Variants in SPC25 observed in about 807,000 individuals in gnomAD.
The protein encoded by SPC25 is kinetochore protein Spc25.
In SPC25, 22 loss-of-function variants were observed where a neutral mutation model predicts 29.6. The observed-to-expected ratio is 0.74, with a 90% CI of 0.53 to 1.06. The LOEUF is 1.06. Ranked by LOEUF, SPC25 falls within the 50% of genes least tolerant of loss-of-function variation. SPC25 has a pLI of 0.00. For synonymous variants in SPC25, 91 were observed against 90.4 expected (o/e 1.01, Z -0.04); for missense variants, 230 against 255.8 (o/e 0.90, Z 0.69).
At chr2:168,870,251 A>C (rs1345468402), downstream of SPC25, among the ~76,000 whole-genome samples, 10 of 151,530 alleles carry the variant, frequency 6.6e-5, no homozygotes, top group South Asian at 2.1e-4. Context: ...AACCATAAAA[A>C]CCCTAGAAGA....
At chr2:168,862,569 T>C (rs73969992) in intron 4 of SPC25, among the ~76,000 whole-genome samples, 2,574 of 152,304 alleles carry the variant, frequency 0.017, 70 homozygotes, top group African/African-American at 0.057. Flanking sequence ...TTCTAGAACC[T>C]AGGTCAGCTG....
In SPC25 at chr2:168,864,957, C is replaced by T. The variant is rs1301213177; in HGVS notation, n.419+8628G>A. ...TTACCTTCAAATGCTGGCAACACAGCTACAAAGGCATAAAACAAGACTCTG... is the reference window on the plus strand; with the variant it reads ...TTACCTTCAAATGCTGGCAACACAGTTACAAAGGCATAAAACAAGACTCTG... On this transcript the variant is annotated intron_variant and non_coding_transcript_variant, in intron 4 of 4. Transcript: ENST00000479309. The T allele has an allele frequency of 1.9e-6, 3 of 1,614,008 alleles. 1 individual carries two copies. The Admixed American group carries it at 5.0e-5, about 27-fold the overall frequency.
rs1689608531 is a variant in SPC25, at chr2:168,863,417, A to AAATC, written n.419+10164_419+10167dup. ...GGAAAAGAGTGAAAGGAAGACTGAAAAATCACCTCAGAATGATGCCAAATA... is the reference window on the plus strand; with the variant it reads ...GGAAAAGAGTGAAAGGAAGACTGAAAAATCAATCACCTCAGAATGATGCCAAATA... On this transcript the variant is annotated intron_variant and non_coding_transcript_variant, in intron 4 of 4. Transcript: ENST00000479309. 3 of 985,042 alleles carry AAATC rather than the reference A, an allele frequency of 3.0e-6. No homozygotes were observed. The African/African-American group carries it at 5.2e-5, about 17-fold the overall frequency. 61.0% of individuals were successfully genotyped at this position (985,042 alleles called of 1,614,324 possible).
chr2:168,866,080 T>A (rs1689842797), downstream of SPC25, among the ~76,000 whole-genome samples: 2 of 152,302 alleles, frequency 1.3e-5, no homozygotes, highest in African/African-American at 4.8e-5. Context: ...GCCATCCCCA[T>A]CAAGCTACCA....
chr2:168,877,215 T>C (rs1374356547), intron 4 of SPC25, 23 bp downstream of exon 4: 1 of 1,609,196 alleles, frequency 6.2e-7, no homozygotes, highest in East Asian at 2.2e-5. Context: ...TTTAGATCAG[T>C]ATGTTTATAA....
At chr2:168,870,742 C>A (rs1574357220), downstream of SPC25, among the ~76,000 whole-genome samples, 2 of 151,536 alleles carry the variant, frequency 1.3e-5, no homozygotes, top group East Asian at 1.9e-4. Flanking sequence ...AATAGGAACA[C>A]TTTTACACTG....
chr2:168,864,449 C>A (rs1482825727), intron 4 of SPC25, among the ~76,000 whole-genome samples: 2 of 151,934 alleles, frequency 1.3e-5, no homozygotes, highest in African/African-American at 4.8e-5. Context: ...CCACACCCAG[C>A]TAATTTTTGT....
At chr2:168,883,733 T>C (rs1395541633) in intron 3 of SPC25, among the ~76,000 whole-genome samples, 1 of 151,984 alleles carries the variant, frequency 6.6e-6, no homozygotes, top group East Asian at 1.9e-4. Context: ...TTGTGGCCAA[T>C]ACAAATATAG....
At chr2:168,869,306 A>T (rs1200304405), downstream of SPC25, among the ~76,000 whole-genome samples, 1 of 152,210 alleles carries the variant, frequency 6.6e-6, no homozygotes, top group African/African-American at 2.4e-5. Flanking sequence ...CAAGACAGGG[A>T]TGCCCTCTCC....
At chr2:168,872,962 A>G (rs560636403) in intron 6 of SPC25, among the ~76,000 whole-genome samples, 13 of 152,164 alleles carry the variant, frequency 8.5e-5, no homozygotes, top group African/African-American at 1.2e-4. Context: ...ATGAATTCCA[A>G]TAAATTAAGG....
chr2:168,862,474 T>C (rs1689525143), intron 4 of SPC25, among the ~76,000 whole-genome samples: 1 of 152,220 alleles, frequency 6.6e-6, no homozygotes, highest in African/African-American at 2.4e-5. Flanking sequence ...ATTAGAGATG[T>C]ACCCCACCTT....
At chr2:168,863,709 A>ATGCAGAGACATTG (rs1370919411) in intron 4 of SPC25, 14 of 924,430 alleles carry the variant, frequency 1.5e-5, no homozygotes, top group Non-Finnish European at 1.8e-5. Flanking sequence ...ATCAGGGATA[A>ATGCAGAGACATTG]TGCAGAGACA....
At chr2:168,874,048 C>A (rs1168081657) in intron 5 of SPC25, among the ~76,000 whole-genome samples, 1 of 152,172 alleles carries the variant, frequency 6.6e-6, no homozygotes, top group East Asian at 1.9e-4. Flanking sequence ...CTAAAAACCA[C>A]CCAATTCAAT....
intron 5 of SPC25, among the ~76,000 whole-genome samples, chr2:168,874,472 T>C (rs1017016337): frequency 2.0e-5 from 3 of 152,060 alleles, no homozygotes; most frequent in Non-Finnish European, 4.4e-5. Flanking sequence ...AAAGTGGAAA[T>C]AACCCAGTGC....
At chr2:168,864,964 G>T in intron 4 of SPC25, 1 of 1,613,904 alleles carries the variant, frequency 6.2e-7, no homozygotes, top group East Asian at 2.2e-5. Flanking sequence ...CAGCTACAAA[G>T]GCATAAAACA....
At chr2:168,871,604 T>A (rs1689991254) in intron 6 of SPC25, 49 bp from the exon 7 acceptor site, 3 of 1,506,536 alleles carry the variant, frequency 2.0e-6, no homozygotes, top group Non-Finnish European at 2.7e-6. Flanking sequence ...TGAGTTTTTT[T>A]ATGGCACAGA....
intron 4 of SPC25, chr2:168,863,362 T>TCA: frequency 5.1e-6 from 5 of 971,438 alleles, no homozygotes; most frequent in Non-Finnish European, 6.1e-6. Flanking sequence ...GAGTTAATAA[T>TCA]TTCCTTTGTC....
At chr2:168,884,644 T>G (rs1690230746) in intron 3 of SPC25, among the ~76,000 whole-genome samples, 1 of 152,186 alleles carries the variant, frequency 6.6e-6, no homozygotes, top group Admixed American at 6.5e-5. Context: ...TTGGTGACCT[T>G]CTCTCTTACT....
chr2:168,880,860 G>A (rs1221479977), intron 3 of SPC25, among the ~76,000 whole-genome samples: 1 of 152,184 alleles, frequency 6.6e-6, no homozygotes, highest in Non-Finnish European at 1.5e-5. Flanking sequence ...CATTAAGTTT[G>A]TCATCTTATA....
Sources: gnomAD v4.1 joint callset for allele counts (sites outside exome capture counted in the v4.1 genomes callset) on GRCh38, gnomAD v4.1.1 for gene constraint, MANE v1.5 for transcripts, NCBI Gene and HGNC (gene_info 2026-07-23, HGNC 2026-07-21) for gene names.